MTFMT: variants seen among roughly 807,000 people sequenced by gnomAD.
MTFMT encodes mitochondrial methionyl-tRNA formyltransferase.
In MTFMT, 47 loss-of-function variants were observed where a neutral mutation model predicts 51.8. The observed-to-expected ratio is 0.91, with a 90% confidence interval of 0.72 to 1.16. The LOEUF (loss-of-function observed/expected upper bound fraction) is 1.16, where lower values mean the gene tolerates loss of function less well. MTFMT is among the 50% of genes most tolerant of loss of function. The pLI is 0.00. For synonymous variants in MTFMT, 196 were observed against 176.7 expected (o/e 1.11, Z -0.87); for missense variants, 512 against 482.3 (o/e 1.06, Z -0.58).
In MTFMT at chr15:65,002,530, TTTTA is replaced by T. The variant is rs1301157875; in HGVS notation, c.*528_*531del. The T allele has an allele frequency of 6.6e-6, 1 of 152,142 alleles. No homozygotes were observed. Among genetic ancestry groups the T allele is most frequent in the Non-Finnish European group, 1.5e-5 (1 of 68,052 alleles). 9.4% of individuals were successfully genotyped at this position (152,142 alleles called of 1,614,324 possible). ...TTGAGTTTCGTATCATAAATACAAGTTTTATTTAAACTTTTTTGTAATTCAAGTA... is the reference window on the plus strand; with the variant it reads ...TTGAGTTTCGTATCATAAATACAAGTTTTAAACTTTTTTGTAATTCAAGTA... On this transcript the variant is annotated 3_prime_UTR_variant, in exon 9 of 9. Coordinates refer to ENST00000220058, the MANE Select transcript of MTFMT (RefSeq NM_139242.4).
At chr15:65,011,217 G>A (rs1185928647) in intron 6 of MTFMT, among the ~76,000 whole-genome samples, 1 of 152,130 alleles carries the variant, frequency 6.6e-6, no homozygotes, top group Non-Finnish European at 1.5e-5. Context: ...AGCTACTAGG[G>A]AGGCTGAGGC....
Position 65,003,009 on chromosome 15 carries a change from G to T in MTFMT, c.*53C>A. The T allele has an allele frequency of 1.1e-6, 1 of 937,278 alleles. No individual in the cohort carries two copies. The highest frequency in any genetic ancestry group is 1.5e-6 in the Non-Finnish European group (1 of 686,118). The allele number at this position is 937,278 out of a possible 1,614,324, so 58.1% of individuals were successfully genotyped here. On this transcript the variant is annotated 3_prime_UTR_variant, in exon 9 of 9. Transcript: ENST00000220058. ...AGTCCAGATAATTCCTTGTAAATAA[G>T]GTTTTTAATAAATTACAAATATGTA...
chr15:65,010,305 G>A (rs1331092676), intron 6 of MTFMT, among the ~76,000 whole-genome samples: 1 of 152,010 alleles, frequency 6.6e-6, no homozygotes, highest in Non-Finnish European at 1.5e-5. Context: ...TTCAACCAAT[G>A]TCACTCGTTT....
intron 2 of MTFMT, among the ~76,000 whole-genome samples, chr15:65,025,027 G>C (rs1449771013): frequency 7.3e-5 from 3 of 40,866 alleles, no homozygotes; most frequent in Non-Finnish European, 2.4e-4. Flanking sequence ...AGTTAGGCCT[G>C]GCCTTTTATT....
At position 65,021,562 on chromosome 15, in the gene MTFMT, G is replaced by A; in HGVS notation, c.597C>T (p.Ser199=). ...KQETVPVPPK[S]TAKELEAVLS... is the part of the protein sequence containing the mutation. ...ACACTGCTTCCAATTCCTTTGCAGT[G>A]CTCTTGGGTGGCACAGGAACAGTTT... Residue 199 remains serine, a synonymous_variant, in exon 4 of 9, where the codon AGC becomes AGT. Transcript: ENST00000220058. 5 of 1,605,828 alleles carry A rather than the reference G, an allele frequency of 3.1e-6. No homozygotes were observed. The highest frequency in any genetic ancestry group is 1.1e-5 in the South Asian group (1 of 90,554).
intron 2 of MTFMT, among the ~76,000 whole-genome samples, chr15:65,024,216 C>A (rs954421007): frequency 1.3e-5 from 2 of 152,146 alleles, no homozygotes; most frequent in African/African-American, 4.8e-5. Flanking sequence ...ATCCCAGCTA[C>A]TCGGAAGGCT....
chr15:65,018,699 AG>A, intron 5 of MTFMT, among the ~76,000 whole-genome samples: 1 of 152,202 alleles, frequency 6.6e-6, no homozygotes, highest in East Asian at 1.9e-4. Flanking sequence ...ACTCCAAACT[AG>A]TGGGAAGTGA....
chr15:65,027,794 G>T (rs1430650287), intron 1 of MTFMT, among the ~76,000 whole-genome samples: 1 of 152,182 alleles, frequency 6.6e-6, no homozygotes, highest in Non-Finnish European at 1.5e-5. Context: ...TCTGGATAAA[G>T]GAACTGGGAA....
At position 65,002,962 on chromosome 15, in the gene MTFMT, C is replaced by CA. The variant is rs398027674; in HGVS notation, c.*99dup. On this transcript the variant is annotated 3_prime_UTR_variant, in exon 9 of 9. Transcript: ENST00000220058. Reference sequence around the variant, plus strand: ...TGGGTGACAGAGTGAGACTCTGTCTCAAAAAAAAAAAAAAAAAAAAAAGTC... The same window carrying CA: ...TGGGTGACAGAGTGAGACTCTGTCTCAAAAAAAAAAAAAAAAAAAAAAAGTC... The CA allele has an allele frequency of 0.3, 98,641 of 324,006 alleles. 7,656 individuals are homozygous for CA. The highest frequency in any genetic ancestry group is 0.33 in the Non-Finnish European group (74,590 of 226,328). The allele number at this position is 324,006 out of a possible 1,614,324, so 20.1% of individuals were successfully genotyped here. A position where few individuals can be genotyped will look rare whatever the true frequency, so the allele number is the denominator to read the frequency against.
chr15:65,016,526 G>A lies in MTFMT; in HGVS notation c.723C>T (p.Ala241=). The change falls in exon 6 of 9, where the codon GCC becomes GCT. Residue 241 remains alanine (A), a splice_region_variant and synonymous_variant. Coordinates refer to ENST00000220058, the MANE Select transcript of MTFMT (RefSeq NM_139242.4). ...AACTGGTACCAGCAGAAATCTTAGG[G>A]GCTACAAGATAAAACCAAGAGCAAA... ...RQQPMEGATY[A]PKISAGTSCI... 6.2e-7 allele frequency: 1 copy of A among 1,607,704 alleles called. No individual in the cohort carries two copies. Among genetic ancestry groups the A allele is most frequent in the Non-Finnish European group, 8.5e-7 (1 of 1,175,066 alleles).
chr15:65,013,596 T>C (rs572796712), intron 6 of MTFMT, among the ~76,000 whole-genome samples: 419 of 152,326 alleles, frequency 2.8e-3, no homozygotes, highest in African/African-American at 9.4e-3. Context: ...ACTAATATGA[T>C]ATGTTACATT....
chr15:65,015,702 G>C (rs192778493), intron 6 of MTFMT: 170 of 152,976 alleles, frequency 1.1e-3, no homozygotes, highest in Non-Finnish European at 1.3e-3. Flanking sequence ...GCCAGGTGTG[G>C]TGGTGTGTGC....
At position 65,002,446 on chromosome 15, in the gene MTFMT, T is replaced by C. The variant is rs2086183812; in HGVS notation, c.*616A>G. 2 of 152,060 alleles carry C rather than the reference T, an allele frequency of 1.3e-5. No individual in the cohort carries two copies. The highest frequency in any genetic ancestry group is 6.6e-5 in the Admixed American group (1 of 15,256). The allele number at this position is 152,060 out of a possible 1,614,324, so 9.4% of individuals were successfully genotyped here. A position where few individuals can be genotyped will look rare whatever the true frequency, so the allele number is the denominator to read the frequency against. On this transcript the variant is annotated 3_prime_UTR_variant, in exon 9 of 9. Transcript: ENST00000220058. ...ACAAAAAACCTCTTCTCAGTATGTA[T>C]GTAGGTACATACATACACCAGTTAG... is the stretch of plus-strand genomic sequence containing the variant.
chr15:65,029,364 G>A (rs1400615842), intron 1 of MTFMT, 41 bp downstream of exon 1: 5 of 1,410,460 alleles, frequency 3.5e-6, no homozygotes, highest in Non-Finnish European at 3.7e-6. Flanking sequence ...GCGGCCTGGA[G>A]GCCTTCAGCG....
At chr15:65,005,055 T>A (rs2086211002) in intron 7 of MTFMT, 119 bp from the exon 8 acceptor site, 3 of 672,058 alleles carry the variant, frequency 4.5e-6, no homozygotes, top group Non-Finnish European at 5.1e-6. Context: ...AGAGAACACA[T>A]TTGCTGATGT....
rs557455043 is a variant in MTFMT, at chr15:65,011,640, G to A, written c.813+4796C>T. On this transcript the variant is annotated intron_variant, in intron 6 of 8. Coordinates refer to ENST00000220058, the MANE Select transcript of MTFMT (RefSeq NM_139242.4). ...GCCTCCCAAGTAGCTAGGACCACAGGTGTGCACCATGATGCCCAGCTAATT... is the reference window on the plus strand; with the variant it reads ...GCCTCCCAAGTAGCTAGGACCACAGATGTGCACCATGATGCCCAGCTAATT... 8.6e-5 allele frequency among the ~76,000 whole-genome samples: 13 copies of A among 151,816 alleles called. No individual in the cohort carries two copies. The South Asian group carries it at 2.7e-3, about 32-fold the overall frequency.
chr15:65,023,934 C>G (rs2086397729), intron 2 of MTFMT, 140 bp from the exon 3 acceptor site: 2 of 668,702 alleles, frequency 3.0e-6, no homozygotes, highest in Non-Finnish European at 4.7e-6. Context: ...AGTCTCGTAT[C>G]ACCTGAAAGG....
At chr15:65,029,027 T>C (rs1036727633) in intron 1 of MTFMT, among the ~76,000 whole-genome samples, 6 of 152,106 alleles carry the variant, frequency 3.9e-5, no homozygotes, top group Non-Finnish European at 8.8e-5. Context: ...CCTCGGCTGA[T>C]GACCTTGGGC....
chr15:65,007,054 G>T (rs972406329), intron 6 of MTFMT, among the ~76,000 whole-genome samples: 1 of 152,158 alleles, frequency 6.6e-6, no homozygotes, highest in Non-Finnish European at 1.5e-5. Context: ...CAGACTAAGG[G>T]CCCGCATGAG....
Sources: allele counts gnomAD v4.1 joint callset (sites outside exome capture counted in the v4.1 genomes callset), GRCh38; gene constraint gnomAD v4.1.1; transcripts MANE v1.5; gene names NCBI Gene and HGNC (gene_info 2026-07-23, HGNC 2026-07-21).